EXO1: variants seen among roughly 807,000 people sequenced by gnomAD.
EXO1 encodes the protein exonuclease 1.
EXO1 carries 69 observed loss-of-function variants against 84.5 expected under a neutral mutation model. That is an observed-to-expected ratio of 0.82 (90% CI 0.67 to 1.00). The LOEUF (loss-of-function observed/expected upper bound fraction) is 1.00, where lower values mean the gene tolerates loss of function less well. Ranked by LOEUF, EXO1 falls within the 50% of genes least tolerant of loss-of-function variation. EXO1 has a pLI of 0.00. For synonymous variants in EXO1, 373 were observed against 366.1 expected (o/e 1.02, Z -0.21); for missense variants, 1,045 against 1,000.7 (o/e 1.04, Z -0.60).
chr1:241,861,984 GC>G (rs1661423409), intron 10 of EXO1, among the ~76,000 whole-genome samples: 1 of 152,042 alleles, frequency 6.6e-6, no homozygotes, highest in Admixed American at 6.6e-5. Flanking sequence ...TGTTGCCCAG[GC>G]TGGAGTGCAA....
At chr1:241,850,234 T>C (rs895296340) in intron 3 of EXO1, among the ~76,000 whole-genome samples, 175 bp from the exon 4 acceptor site, 2 of 150,646 alleles carry the variant, frequency 1.3e-5, no homozygotes, top group Non-Finnish European at 1.5e-5. Flanking sequence ...TGAGCCGATA[T>C]AGGCCACTGC....
At chr1:241,861,555 T>C (rs1661388443) in intron 10 of EXO1, 53 bp downstream of exon 10, 1 of 975,690 alleles carries the variant, frequency 1.0e-6, no homozygotes, top group Admixed American at 1.7e-5. Context: ...TGTCCCGAGC[T>C]GTGATTAAAG....
chr1:241,868,324 G>A (rs575381930), intron 11 of EXO1, among the ~76,000 whole-genome samples: 86 of 150,408 alleles, frequency 5.7e-4, no homozygotes, highest in African/African-American at 1.9e-3. Flanking sequence ...TGCAGTGAGC[G>A]GAGATCACGC....
At chr1:241,870,267 AC>A (rs1662015427) in intron 11 of EXO1, among the ~76,000 whole-genome samples, 3 of 152,170 alleles carry the variant, frequency 2.0e-5, no homozygotes, top group African/African-American at 7.2e-5. Context: ...CTTTCTATAC[AC>A]ACAAACACAA....
In EXO1 at chr1:241,889,595, C is replaced by T; in HGVS notation, c.2536C>T (p.Gln846Ter). ...ECGRVQRAIF[Q>*] is the part of the protein sequence containing the mutation. The stretch of plus-strand genomic sequence containing the variant: ...TGGCCGTGTTCAAAGAGCAATATTC[C>T]AGTAAATGCAGACTGCTGCAAAGCT... Residue 846 changes from glutamine (Q) to a stop codon, truncating the protein, a stop_gained, in exon 16 of 16, where the codon CAG (glutamine) becomes TAG (stop). Transcript: ENST00000366548. LOFTEE classifies it high-confidence loss of function. 1 of 1,613,950 alleles carries T rather than the reference C, an allele frequency of 6.2e-7. No homozygotes were observed. Among genetic ancestry groups the T allele is most frequent in the Non-Finnish European group, 8.5e-7 (1 of 1,179,910 alleles).
chr1:241,866,386 T>G (rs1661729175), intron 10 of EXO1, among the ~76,000 whole-genome samples: 1 of 152,208 alleles, frequency 6.6e-6, no homozygotes, highest in Non-Finnish European at 1.5e-5. Flanking sequence ...ATTGCTGGGA[T>G]TATAGGCGTG....
At chr1:241,878,495 CAA>C (rs34265528) in intron 12 of EXO1, among the ~76,000 whole-genome samples, 9 of 129,888 alleles carry the variant, frequency 6.9e-5, no homozygotes, top group African/African-American at 8.4e-5. Flanking sequence ...GACTCTGTCT[CAA>C]AAAAAAAAAA....
intron 10 of EXO1, among the ~76,000 whole-genome samples, chr1:241,864,985 G>A (rs1574152447): frequency 3.3e-5 from 5 of 151,280 alleles, no homozygotes; most frequent in Admixed American, 3.3e-4. Context: ...TCAGTAACTG[G>A]CATCAAGCCT....
chr1:241,885,643 C>T (rs1635488), intron 15 of EXO1, 136 bp downstream of exon 15: 394,439 of 746,952 alleles, frequency 0.53, 105,922 homozygotes, highest in Non-Finnish European at 0.56. Context: ...TTTCTCTCTT[C>T]CCTTTAGCTA....
intron 12 of EXO1, among the ~76,000 whole-genome samples, chr1:241,874,623 G>A (rs958308217): frequency 6.6e-6 from 1 of 152,176 alleles, no homozygotes; most frequent in African/African-American, 2.4e-5. Context: ...TTTAGAACCT[G>A]GAGTCAGGCT....
In EXO1 at chr1:241,881,989, CA is replaced by C. The variant is rs752940417; in HGVS notation, c.2190del (p.Asp731ThrfsTer4). 6.4e-6 allele frequency: 10 copies of C among 1,556,306 alleles called. No individual in the cohort carries two copies. The highest frequency in any genetic ancestry group is 2.7e-5 in the African/African-American group (2 of 73,586). On this transcript the variant is annotated frameshift_variant, in exon 14 of 16. Coordinates refer to ENST00000366548, the MANE Select transcript of EXO1 (RefSeq NM_130398.4). LOFTEE classifies it high-confidence loss of function. ...QTSKLRLSHFSKKDTPLRNKV... is the reference protein window; with the variant it reads ...QTSKLRLSHFXKKDTPLRNKV... ...TCCAAGCTACGTTTATCTCATTTCT[CA>C]AAAAAAGACACACCTCTAAGGAACA...
rs751763046 is a variant in EXO1, at chr1:241,885,375, T to C, written c.2273T>C (p.Leu758Pro). 13 of 1,613,932 alleles carry C rather than the reference T, an allele frequency of 8.1e-6. No homozygotes were observed. Among genetic ancestry groups the C allele is most frequent in the Non-Finnish European group, 1.1e-5 (13 of 1,179,916 alleles). Residue 758 changes from leucine to proline, a missense_variant, in exon 15 of 16, where the codon CTA (leucine) becomes CCA (proline). Coordinates refer to ENST00000366548, the MANE Select transcript of EXO1 (RefSeq NM_130398.4). ...CTTTCTACAACCAAGATCAAACCTC[T>C]AGGACCTGCCAGAGCCAGTGGGCTG... ...DSLSTTKIKP[L>P]GPARASGLSK...
At chr1:241,850,336 A>G in intron 3 of EXO1, 73 bp from the exon 4 acceptor site, 1 of 1,073,062 alleles carries the variant, frequency 9.3e-7, no homozygotes, top group Non-Finnish European at 1.4e-6. Context: ...CTTTCTCTTC[A>G]TTTGTCTAAG....
Position 241,889,497 on chromosome 1 carries a change from C to T in EXO1, c.2438C>T (p.Pro813Leu), listed in dbSNP as rs1429588689. ...DSEKLPPCKK[P>L]LSPVRDNIQL... ...GAAAAGCTTCCTCCTTGTAAGAAAC[C>T]CCTGTCCCCAGTCAGAGATAACATC... is the stretch of plus-strand genomic sequence containing the variant. Residue 813 changes from proline (P) to leucine (L), a missense_variant, in exon 16 of 16, where the codon CCC becomes CTC. Pro to Leu is a moderately conservative substitution (Grantham distance 98, BLOSUM62 -3). Transcript: ENST00000366548. 1 of 1,613,570 alleles carries T rather than the reference C, an allele frequency of 6.2e-7. No homozygotes were observed. The highest frequency in any genetic ancestry group is 8.5e-7 in the Non-Finnish European group (1 of 1,179,550).
At chr1:241,856,934 G>A (rs1477261356) in intron 6 of EXO1, among the ~76,000 whole-genome samples, 1 of 152,192 alleles carries the variant, frequency 6.6e-6, no homozygotes, top group African/African-American at 2.4e-5. Context: ...TCGGGAGGCT[G>A]AGGTGGGAAG....
chr1:241,871,101 T>G (rs1662061442), intron 11 of EXO1, among the ~76,000 whole-genome samples: 1 of 152,178 alleles, frequency 6.6e-6, no homozygotes, highest in Non-Finnish European at 1.5e-5. Flanking sequence ...ATGAGGTTAA[T>G]CTGGTGTGGC....
rs4150024 is a variant in EXO1 at position 241,889,852 on chromosome 1, G to T, written c.*252G>T. The T allele has an allele frequency of 0.04, 19,126 of 477,580 alleles. 493 individuals carry two copies. Among genetic ancestry groups the T allele is most frequent in the Middle Eastern group, 0.092 (153 of 1,658 alleles). The allele number at this position is 477,580 out of a possible 1,614,324, so 29.6% of individuals were successfully genotyped here. A position where few individuals can be genotyped will look rare whatever the true frequency, so the allele number is the denominator to read the frequency against. The stretch of plus-strand genomic sequence containing the variant: ...GTTTTTGGAGGTTTTAGTGTTAATT[G>T]GGAAAATCCTCTGGAGTTTATAAAA... On this transcript the variant is annotated 3_prime_UTR_variant, in exon 16 of 16. Transcript: ENST00000366548.
At chr1:241,889,122 C>T (rs186688142) in intron 15 of EXO1, among the ~76,000 whole-genome samples, 1 of 152,082 alleles carries the variant, frequency 6.6e-6, no homozygotes, top group African/African-American at 2.4e-5. Context: ...CCATTTGTTC[C>T]TGCTTCACTT....
intron 10 of EXO1, 33 bp downstream of exon 10, chr1:241,861,535 G>A (rs765554526): frequency 1.1e-5 from 12 of 1,128,738 alleles, no homozygotes; most frequent in Admixed American, 1.7e-5. Context: ...ATGAAAACAC[G>A]TTTTAGTTAT....
Sources: gnomAD v4.1 joint callset for allele counts (sites outside exome capture counted in the v4.1 genomes callset) on GRCh38, gnomAD v4.1.1 for gene constraint, MANE v1.5 for transcripts, NCBI Gene and HGNC (gene_info 2026-07-23, HGNC 2026-07-21) for gene names.